The following WDR35 variants were observed in gnomAD, a reference collection of about 807,000 sequenced individuals.
WDR35 encodes the protein WD repeat-containing protein 35.
Under a neutral mutation model 158.3 loss-of-function variants are expected in WDR35, and 118 were observed. That is an observed-to-expected ratio of 0.75 (90% CI 0.64 to 0.87). The LOEUF is 0.87. Ranked by LOEUF, WDR35 falls within the 40% of genes least tolerant of loss-of-function variation. The pLI, the probability that WDR35 is intolerant of heterozygous loss-of-function variation, is 0.00. For synonymous variants in WDR35, 448 were observed against 476.1 expected (o/e 0.94, Z 0.77); for missense variants, 1,263 against 1,405.8 (o/e 0.90, Z 1.62).
intron 14 of WDR35, 102 bp downstream of exon 14, chr2:19,948,062 C>T (rs1027307465): frequency 4.3e-6 from 4 of 930,218 alleles, no homozygotes; most frequent in African/African-American, 1.7e-5. Flanking sequence ...TTCAGCTTCC[C>T]AAGTAACTGT....
intron 25 of WDR35, among the ~76,000 whole-genome samples, chr2:19,922,276 T>C (rs1204866508): frequency 6.6e-6 from 1 of 152,212 alleles, no homozygotes; most frequent in African/African-American, 2.4e-5. Flanking sequence ...ACATGTATGC[T>C]TACTGCAGCA....
At position 19,975,783 on chromosome 2, in the gene WDR35, T is replaced by C. The variant is rs746865838; in HGVS notation, c.437-120A>G. 490 of 1,335,756 alleles carry C rather than the reference T, an allele frequency of 3.7e-4. 3 individuals carry two copies. The Middle Eastern group carries it at 5.7e-3, about 16-fold the overall frequency. 82.7% of individuals were successfully genotyped at this position (1,335,756 alleles called of 1,614,324 possible). A position where few individuals can be genotyped will look rare whatever the true frequency, so the allele number is the denominator to read the frequency against. The stretch of plus-strand genomic sequence containing the variant: ...CACAGCATTCATGCATTCATTCAAT[T>C]TATTTGGCCAATAAATATTTACTGA... On this transcript the variant is annotated intron_variant, in intron 5 of 26. Transcript: ENST00000281405.
chr2:19,938,497 A>G, intron 17 of WDR35, 96 bp from the exon 18 acceptor site: 2 of 1,452,074 alleles, frequency 1.4e-6, no homozygotes, highest in South Asian at 2.5e-5. Context: ...CAAAACAAGA[A>G]AAAAAACGGC....
intron 5 of WDR35, among the ~76,000 whole-genome samples, chr2:19,977,501 C>G (rs1672251302): frequency 6.6e-6 from 1 of 152,232 alleles, no homozygotes; most frequent in Non-Finnish European, 1.5e-5. Flanking sequence ...ATAAAATCTA[C>G]TTACTTCCAT....
At chr2:19,970,468 C>T (rs1430763125) in intron 8 of WDR35, among the ~76,000 whole-genome samples, 1 of 152,104 alleles carries the variant, frequency 6.6e-6, no homozygotes, top group East Asian at 1.9e-4. Context: ...TCCTTATTCT[C>T]CCCCTCTGCC....
chr2:19,977,902 A>C (rs1672261888), intron 5 of WDR35, among the ~76,000 whole-genome samples: 1 of 152,192 alleles, frequency 6.6e-6, no homozygotes, highest in African/African-American at 2.4e-5. Context: ...CTTAGGGCAG[A>C]GACATTCTAC....
chr2:19,981,315 T>C lies in WDR35; in HGVS notation c.215-532A>G, dbSNP rs541772600. 2.0e-5 allele frequency among the ~76,000 whole-genome samples: 3 copies of C among 152,310 alleles called. No homozygotes were observed. The South Asian group carries it at 6.2e-4, about 32-fold the overall frequency. ...TAATCCCTAAATACTTTAGTGTACATTTCCTAAAAATAAAGACATTCTCTT... is the reference window on the plus strand; with the variant it reads ...TAATCCCTAAATACTTTAGTGTACACTTCCTAAAAATAAAGACATTCTCTT... On this transcript the variant is annotated intron_variant, in intron 3 of 26. Coordinates refer to ENST00000281405, the MANE Select transcript of WDR35 (RefSeq NM_020779.4).
At chr2:19,918,175 T>C (rs981180829) in intron 25 of WDR35, among the ~76,000 whole-genome samples, 1 of 152,180 alleles carries the variant, frequency 6.6e-6, no homozygotes, top group Admixed American at 6.5e-5. Context: ...TAAAATCCTT[T>C]ACAGACAAGG....
chr2:19,967,331 A>T (rs1671888786), intron 9 of WDR35, among the ~76,000 whole-genome samples: 1 of 152,158 alleles, frequency 6.6e-6, no homozygotes, highest in Admixed American at 6.5e-5. Context: ...ATTTGCTTTT[A>T]TCAGAGTAAC....
intron 8 of WDR35, among the ~76,000 whole-genome samples, chr2:19,971,947 A>T (rs1303818169): frequency 6.6e-6 from 1 of 152,130 alleles, no homozygotes; most frequent in African/African-American, 2.4e-5. Context: ...AAATAACTAA[A>T]CTGTGTCTCA....
chr2:19,973,626 G>C lies in WDR35; in HGVS notation c.819C>G (p.Phe273Leu). ...CTTTGTCCTGCATGGCTGCCTTCTG[G>C]AAGCCTGCCACAGCTAACACGCTGC... is the stretch of plus-strand genomic sequence containing the variant. Reference protein sequence around the residue: ...HMGSVLAVAGFQKAAMQDKDV... With the variant: ...HMGSVLAVAGLQKAAMQDKDV... The change falls in exon 8 of 27, where the codon TTC becomes TTG. Residue 273 changes from phenylalanine (F) to leucine (L), a missense_variant. Physicochemically the swap from Phe to Leu is conservative, Grantham distance 22 (BLOSUM62 0). Coordinates refer to ENST00000281405, the MANE Select transcript of WDR35 (RefSeq NM_020779.4). 6.2e-7 allele frequency: 1 copy of C among 1,614,158 alleles called. No individual in the cohort carries two copies. The highest frequency in any genetic ancestry group is 1.3e-5 in the African/African-American group (1 of 75,036).
Position 19,937,940 on chromosome 2 carries a change from T to TA in WDR35, c.2069dup (p.Leu691ThrfsTer3), listed in dbSNP as rs776137297. ...GTTTCTGAAGAGCTGCTTCAGCCAG[T>TA]AGGCGCCTTTATTTTAAAAGAAACA... is the stretch of plus-strand genomic sequence containing the variant. On this transcript the variant is annotated frameshift_variant, in exon 19 of 27. Transcript: ENST00000281405. LOFTEE classifies it high-confidence loss of function. The TA allele has an allele frequency of 6.2e-7, 1 of 1,614,070 alleles. No homozygotes were observed. The highest frequency in any genetic ancestry group is 8.5e-7 in the Non-Finnish European group (1 of 1,180,006).
chr2:19,973,878 C>T (rs923560391), intron 7 of WDR35, among the ~76,000 whole-genome samples, 170 bp from the exon 8 acceptor site: 1 of 152,170 alleles, frequency 6.6e-6, no homozygotes, highest in Non-Finnish European at 1.5e-5. Context: ...GAGGCTGAGG[C>T]GGGCGGATCA....
At chr2:19,976,853 T>G (rs1270873180) in intron 5 of WDR35, among the ~76,000 whole-genome samples, 1 of 151,744 alleles carries the variant, frequency 6.6e-6, no homozygotes, top group Non-Finnish European at 1.5e-5. Flanking sequence ...AGGGTCTCAC[T>G]CTTTTGCCCA....
intron 13 of WDR35, among the ~76,000 whole-genome samples, chr2:19,948,464 G>A (rs1335886395): frequency 6.6e-6 from 1 of 152,088 alleles, no homozygotes; most frequent in Non-Finnish European, 1.5e-5. Context: ...CCTCATTGCA[G>A]GACAGTATGA....
intron 25 of WDR35, 65 bp from the exon 26 acceptor site, chr2:19,914,342 G>T (rs1397453504): frequency 1.3e-6 from 2 of 1,599,290 alleles, no homozygotes; most frequent in African/African-American, 2.7e-5. Context: ...ACATGCAAAA[G>T]AAGAATCTAA....
At chr2:19,952,661 G>A (rs199711265) in intron 12 of WDR35, among the ~76,000 whole-genome samples, 1 of 151,880 alleles carries the variant, frequency 6.6e-6, no homozygotes, top group East Asian at 1.9e-4. Context: ...ACCACATACT[G>A]GCCAAAGATT....
At chr2:19,946,128 A>C in intron 15 of WDR35, 132 bp from the exon 16 acceptor site, 1 of 993,316 alleles carries the variant, frequency 1.0e-6, no homozygotes, top group Non-Finnish European at 1.5e-6. Flanking sequence ...GAAATGGCTT[A>C]AAATTTTGTT....
chr2:19,954,124 C>T (rs1032556244), intron 11 of WDR35, 146 bp from the exon 12 acceptor site: 2 of 862,746 alleles, frequency 2.3e-6, no homozygotes, highest in Non-Finnish European at 3.6e-6. Context: ...CATACACAGT[C>T]TCTGAAATCA....
Sources: allele counts gnomAD v4.1 joint callset (sites outside exome capture counted in the v4.1 genomes callset), GRCh38; gene constraint gnomAD v4.1.1; transcripts MANE v1.5; gene names NCBI Gene and HGNC (gene_info 2026-07-23, HGNC 2026-07-21).